SDK1: variants seen among roughly 807,000 people sequenced by gnomAD.
SDK1 encodes sidekick cell adhesion molecule 1.
A neutral mutation model predicts 245.5 loss-of-function variants in SDK1; 157 were observed. The ratio of observed to expected loss-of-function variants is 0.64; its 90% CI spans 0.56 to 0.73. The LOEUF is 0.73. SDK1 is among the 30% of genes least tolerant of loss of function. The pLI is 0.00. For synonymous variants in SDK1, 1,647 were observed against 1,278.5 expected, an observed-to-expected ratio of 1.29 and a Z score of -6.15; for missense variants, 3,583 against 3,002.3, an observed-to-expected ratio of 1.19 and a Z score of -4.52.
At chr7:3,311,745 C>G (rs924718975) in intron 1 of SDK1, among the ~76,000 whole-genome samples, 2 of 152,182 alleles carry the variant, frequency 1.3e-5, no homozygotes, top group Non-Finnish European at 2.9e-5. Flanking sequence ...TATAAACACA[C>G]AGAAACTGTG....
At chr7:3,975,396 A>G (rs948881958) in intron 13 of SDK1, among the ~76,000 whole-genome samples, 9 of 152,228 alleles carry the variant, frequency 5.9e-5, no homozygotes, top group African/African-American at 1.9e-4. Flanking sequence ...CCTTTCGACA[A>G]AGGCAATCTT....
At chr7:3,318,844 G>C (rs1426408069) in intron 1 of SDK1, among the ~76,000 whole-genome samples, 1 of 152,164 alleles carries the variant, frequency 6.6e-6, no homozygotes, top group Non-Finnish European at 1.5e-5. Context: ...ATTTAATATT[G>C]ACAATCAAAT....
At chr7:3,664,810 T>C (rs891368644) in intron 4 of SDK1, among the ~76,000 whole-genome samples, 4 of 151,938 alleles carry the variant, frequency 2.6e-5, no homozygotes, top group Admixed American at 6.6e-5. Flanking sequence ...CAAATCTGCA[T>C]GTGTTCTAAT....
At chr7:3,538,467 T>G (rs1184623003) in intron 1 of SDK1, among the ~76,000 whole-genome samples, 1 of 152,224 alleles carries the variant, frequency 6.6e-6, no homozygotes, top group African/African-American at 2.4e-5. Flanking sequence ...AATCTGAATT[T>G]CCTTATTTAC....
chr7:3,959,540 C>G (rs1292704500), intron 8 of SDK1, among the ~76,000 whole-genome samples: 1 of 152,190 alleles, frequency 6.6e-6, no homozygotes, highest in East Asian at 1.9e-4. Context: ...GTGATGTACC[C>G]TGTACCCGTT....
intron 14 of SDK1, among the ~76,000 whole-genome samples, chr7:3,991,489 G>A (rs987118581): frequency 2.0e-5 from 3 of 152,178 alleles, no homozygotes; most frequent in Admixed American, 1.3e-4. Flanking sequence ...AACCCCTTCA[G>A]GGCAGGTGGG....
At chr7:3,655,676 A>G (rs1783160650) in intron 4 of SDK1, among the ~76,000 whole-genome samples, 1 of 151,626 alleles carries the variant, frequency 6.6e-6, no homozygotes, top group African/African-American at 2.4e-5. Flanking sequence ...ACCTGGTCAT[A>G]CTAAGTAGTG....
intron 4 of SDK1, among the ~76,000 whole-genome samples, chr7:3,766,936 A>G (rs927662508): frequency 6.6e-6 from 1 of 152,228 alleles, no homozygotes; most frequent in African/African-American, 2.4e-5. Context: ...AATTCCACAC[A>G]AGAGAAGTAG....
intron 1 of SDK1, among the ~76,000 whole-genome samples, chr7:3,544,141 T>G: frequency 6.6e-6 from 1 of 152,246 alleles, no homozygotes; most frequent in South Asian, 2.1e-4. Context: ...TCAATTTCAT[T>G]TTTAAATGCC....
At chr7:3,869,441 C>G (rs1257350169) in intron 5 of SDK1, among the ~76,000 whole-genome samples, 1 of 152,116 alleles carries the variant, frequency 6.6e-6, no homozygotes, top group Non-Finnish European at 1.5e-5. Context: ...CAGGTGTGAG[C>G]CACCACGCCT....
chr7:3,476,863 A>T (rs1040644631), intron 1 of SDK1, among the ~76,000 whole-genome samples: 2 of 152,162 alleles, frequency 1.3e-5, no homozygotes, highest in Non-Finnish European at 2.9e-5. Flanking sequence ...GACTATTAAG[A>T]GATGGGTGTA....
chr7:3,904,770 G>GA (rs1269358085), intron 5 of SDK1, among the ~76,000 whole-genome samples: 3 of 152,062 alleles, frequency 2.0e-5, no homozygotes, highest in Non-Finnish European at 2.9e-5. Flanking sequence ...TAGGAGGGGG[G>GA]ATCACAAGGT....
intron 1 of SDK1, among the ~76,000 whole-genome samples, chr7:3,304,085 C>G (rs114109703): frequency 6.6e-6 from 1 of 152,200 alleles, no homozygotes; most frequent in Non-Finnish European, 1.5e-5. Context: ...GTAAAAGTTA[C>G]ATTTTTATAA....
At chr7:3,633,261 G>A (rs1458704717) in intron 2 of SDK1, among the ~76,000 whole-genome samples, 1 of 152,050 alleles carries the variant, frequency 6.6e-6, no homozygotes, top group Non-Finnish European at 1.5e-5. Context: ...ACCACTGAAA[G>A]AGAAAAATCT....
At position 3,856,033 on chromosome 7, in the gene SDK1, G is replaced by A. The variant is rs543652882; in HGVS notation, c.847+34450G>A. Among the ~76,000 whole-genome samples, 7 of 152,252 alleles carry A rather than the reference G, an allele frequency of 4.6e-5. No homozygotes were observed. In the East Asian group the frequency reaches 1.2e-3, roughly 25 times the overall value. ...TAAATCTAAATGTTTATTATTGATA[G>A]CATTAATACAGAACTAACATTCCAA... On this transcript the variant is annotated intron_variant, in intron 5 of 44. Coordinates refer to ENST00000404826, the MANE Select transcript of SDK1 (RefSeq NM_152744.4).
intron 1 of SDK1, among the ~76,000 whole-genome samples, chr7:3,535,569 TCTCAG>T (rs1358797531): frequency 6.6e-6 from 1 of 152,180 alleles, no homozygotes. Context: ...TTGAAAGTTT[TCTCAG>T]CTGTAAAGCG....
chr7:4,234,316 C>G (rs1786006642), intron 41 of SDK1, among the ~76,000 whole-genome samples: 1 of 152,082 alleles, frequency 6.6e-6, no homozygotes, highest in Admixed American at 6.5e-5. Context: ...GGGTCCAGGT[C>G]CAGGTCTGCT....
intron 1 of SDK1, among the ~76,000 whole-genome samples, chr7:3,613,489 G>C (rs955614123): frequency 6.6e-6 from 1 of 152,096 alleles, no homozygotes; most frequent in Non-Finnish European, 1.5e-5. Flanking sequence ...TTGAGTTACA[G>C]GCATTCTAAC....
chr7:3,871,007 C>G (rs2115133551), intron 5 of SDK1, among the ~76,000 whole-genome samples: 1 of 152,302 alleles, frequency 6.6e-6, no homozygotes, highest in East Asian at 1.9e-4. Context: ...TTGACATCTT[C>G]ACAACATTGA....
Sources: allele counts gnomAD v4.1 joint callset (sites outside exome capture counted in the v4.1 genomes callset), GRCh38; gene constraint gnomAD v4.1.1; transcripts MANE v1.5; gene names NCBI Gene and HGNC (gene_info 2026-07-23, HGNC 2026-07-21).